The following THRAP3 variants were observed in gnomAD, a reference collection of about 807,000 sequenced individuals.
The protein encoded by THRAP3 is thyroid hormone receptor-associated protein 3.
In THRAP3, 16 loss-of-function variants were observed where a neutral mutation model predicts 101.0. The ratio of observed to expected loss-of-function variants is 0.16; its 90% confidence interval spans 0.11 to 0.24. The LOEUF (loss-of-function observed/expected upper bound fraction) is 0.24. THRAP3 is among the 10% of genes least tolerant of loss of function. THRAP3 has a pLI of 1.00. For missense variants in THRAP3, 989 were observed against 1,202.7 expected (o/e 0.82, Z 2.63); for synonymous variants, 407 against 422.6 (o/e 0.96, Z 0.45).
At position 36,252,927 on chromosome 1, in the gene THRAP3, C is replaced by CATATATATAT. The variant is rs71053916; in HGVS notation, c.-134-6421_-134-6412dup. Among the ~76,000 whole-genome samples the CATATATATAT allele has an allele frequency of 7.4e-4, 57 of 76,558 alleles. 1 individual carries two copies. Among genetic ancestry groups the CATATATATAT allele is most frequent in the East Asian group, 1.2e-3 (2 of 1,666 alleles). The allele number at this position is 76,558 out of a possible 152,430, so 50.2% of individuals were successfully genotyped here. ...GTCTCAAAAAATATATATAGATAGG[C>CATATATATAT]ATATATATATATATATATATATATA... On this transcript the variant is annotated intron_variant, in intron 1 of 11. Coordinates refer to ENST00000354618, the MANE Select transcript of THRAP3 (RefSeq NM_005119.4).
intron 1 of THRAP3, among the ~76,000 whole-genome samples, chr1:36,239,749 C>T (rs762564553): frequency 3.7e-4 from 57 of 152,204 alleles, no homozygotes; most frequent in Non-Finnish European, 6.9e-4. Context: ...TTGTACAGTA[C>T]AGTGAGACCT....
intron 1 of THRAP3, among the ~76,000 whole-genome samples, chr1:36,248,931 G>C (rs1045231977): frequency 2.0e-5 from 3 of 149,250 alleles, no homozygotes; most frequent in African/African-American, 7.4e-5. Flanking sequence ...ACAGTGTCTT[G>C]CTCTGTTTCC....
At chr1:36,236,276 A>G (rs1443833728) in intron 1 of THRAP3, among the ~76,000 whole-genome samples, 3 of 151,230 alleles carry the variant, frequency 2.0e-5, no homozygotes, top group African/African-American at 7.3e-5. Context: ...CCAAACCTTT[A>G]TGTCTCTCCA....
intron 1 of THRAP3, among the ~76,000 whole-genome samples, chr1:36,231,799 A>G (rs1286494424): frequency 6.6e-6 from 1 of 152,214 alleles, no homozygotes; most frequent in African/African-American, 2.4e-5. Context: ...TCTAAAGACT[A>G]TGTCCTAGAG....
chr1:36,231,754 T>G (rs1000798359), intron 1 of THRAP3, among the ~76,000 whole-genome samples: 4 of 152,168 alleles, frequency 2.6e-5, no homozygotes, highest in African/African-American at 9.6e-5. Flanking sequence ...GTCTTTCCTT[T>G]ATAGCAGGGC....
chr1:36,246,899 T>C (rs550307451), intron 1 of THRAP3, among the ~76,000 whole-genome samples: 1 of 152,228 alleles, frequency 6.6e-6, no homozygotes, highest in South Asian at 2.1e-4. Flanking sequence ...TTTATCAAAA[T>C]TGTATCAACG....
intron 2 of THRAP3, among the ~76,000 whole-genome samples, chr1:36,265,695 A>G (rs1456912315): frequency 2.0e-5 from 3 of 152,288 alleles, no homozygotes; most frequent in South Asian, 4.1e-4. Flanking sequence ...TCTAGGATAC[A>G]TGTGCAGAAA....
intron 1 of THRAP3, among the ~76,000 whole-genome samples, chr1:36,245,001 T>C (rs1645214105): frequency 6.6e-6 from 1 of 151,998 alleles, no homozygotes; most frequent in South Asian, 2.1e-4. Context: ...ATTACAGGCG[T>C]GAGCCACCAC....
At chr1:36,248,271 C>T (rs977332225) in intron 1 of THRAP3, among the ~76,000 whole-genome samples, 1 of 151,958 alleles carries the variant, frequency 6.6e-6, no homozygotes, top group Non-Finnish European at 1.5e-5. Context: ...TCTGACCCTG[C>T]CATATCTTTA....
intron 1 of THRAP3, among the ~76,000 whole-genome samples, chr1:36,226,040 T>C (rs1644958275): frequency 6.6e-6 from 1 of 151,028 alleles, no homozygotes; most frequent in Admixed American, 6.6e-5. Flanking sequence ...AGTTCAATTT[T>C]AGCAGTGGTG....
At chr1:36,248,776 T>C (rs145799883) in intron 1 of THRAP3, among the ~76,000 whole-genome samples, 67 of 152,262 alleles carry the variant, frequency 4.4e-4, no homozygotes, top group African/African-American at 1.6e-3. Context: ...AGATGTTTAT[T>C]ATCTTGGGGC....
chr1:36,288,833 A>G (rs1645828337), intron 4 of THRAP3: 1 of 985,260 alleles, frequency 1.0e-6, no homozygotes, highest in African/African-American at 1.7e-5. Flanking sequence ...TGTAAGACAC[A>G]ACTCCATGGA....
At chr1:36,259,620 A>C (rs1645418895) in intron 2 of THRAP3, 136 bp downstream of exon 2, 1 of 382,692 alleles carries the variant, frequency 2.6e-6, no homozygotes. Context: ...AAAAAATTTA[A>C]CCAGGCCTGG....
chr1:36,246,017 TATG>T (rs957301323), intron 1 of THRAP3, among the ~76,000 whole-genome samples: 45 of 152,062 alleles, frequency 3.0e-4, no homozygotes, highest in African/African-American at 9.9e-4. Flanking sequence ...TAGGGGGAGG[TATG>T]ATTATAATCT....
upstream of THRAP3, among the ~76,000 whole-genome samples, chr1:36,221,669 C>T (rs976436629): frequency 1.1e-4 from 16 of 152,028 alleles, no homozygotes; most frequent in Admixed American, 2.0e-4. Flanking sequence ...CTGCAACCTC[C>T]GCCTCTTGGG....
intron 11 of THRAP3, among the ~76,000 whole-genome samples, chr1:36,301,899 A>G (rs1646035174): frequency 6.6e-6 from 1 of 152,210 alleles, no homozygotes; most frequent in African/African-American, 2.4e-5. Context: ...TTTATCACTG[A>G]AGATGTTTGT....
the THRAP3 span, among the ~76,000 whole-genome samples, chr1:36,216,495 CAAAAAA>C: frequency 0.2 from 11,128 of 56,220 alleles, 475 homozygotes; most frequent in Middle Eastern, 0.3. Flanking sequence ...GACTCCGTCT[CAAAAAA>C]AAAAAAAAAA....
At chr1:36,209,228 T>C in the THRAP3 span, among the ~76,000 whole-genome samples, 1 of 152,130 alleles carries the variant, frequency 6.6e-6, no homozygotes, top group African/African-American at 2.4e-5. Context: ...TCCTCCCACC[T>C]TGACCTGCCA....
chr1:36,229,597 T>A (rs146426510), intron 1 of THRAP3, among the ~76,000 whole-genome samples: 8 of 152,248 alleles, frequency 5.3e-5, no homozygotes, highest in Admixed American at 3.9e-4. Flanking sequence ...GAATTTTGTT[T>A]ACAGTACATA....
Sources: allele counts gnomAD v4.1 joint callset (sites outside exome capture counted in the v4.1 genomes callset), GRCh38; gene constraint gnomAD v4.1.1; transcripts MANE v1.5; gene names NCBI Gene and HGNC (gene_info 2026-07-23, HGNC 2026-07-21).